Variants in EXO1 observed in about 807,000 individuals in gnomAD.
EXO1 encodes exonuclease 1.
EXO1 carries 69 observed loss-of-function variants against 84.5 expected under a neutral mutation model. The ratio of observed to expected loss-of-function variants is 0.82; its 90% CI spans 0.67 to 1.00. The LOEUF (loss-of-function observed/expected upper bound fraction) is 1.00, where lower values mean the gene tolerates loss of function less well. EXO1 is among the 50% of genes least tolerant of loss of function. EXO1 has a pLI of 0.00. For missense variants in EXO1, 1,045 were observed against 1,000.7 expected, an observed-to-expected ratio of 1.04 and a Z score of -0.60; for synonymous variants, 373 against 366.1, an observed-to-expected ratio of 1.02 and a Z score of -0.21.
At chr1:241,855,794 C>G (rs1030845737) in intron 6 of EXO1, among the ~76,000 whole-genome samples, 9 of 152,262 alleles carry the variant, frequency 5.9e-5, no homozygotes, top group Admixed American at 2.6e-4. Context: ...CTGGGGGACC[C>G]AGTACATCCT....
At chr1:241,852,468 G>A (rs1660728587) in intron 5 of EXO1, 57 bp downstream of exon 5, 8 of 1,503,450 alleles carry the variant, frequency 5.3e-6, no homozygotes, top group African/African-American at 4.1e-5. Context: ...AGACACTGTA[G>A]TCTATATGAT....
At position 241,861,638 on chromosome 1, in the gene EXO1, C is replaced by T. The variant is rs1661396744; in HGVS notation, c.1041+136C>T. 1.0e-5 allele frequency: 7 copies of T among 684,766 alleles called. No individual in the cohort carries two copies. In the Admixed American group the frequency reaches 1.2e-4, roughly 11 times the overall value. The allele number at this position is 684,766 out of a possible 1,614,324, so 42.4% of individuals were successfully genotyped here. Reference sequence around the variant, plus strand: ...CTCTGTGCAGAATGTACATTAAAAACAACTTGATCCTAGAGAAATTACATG... The same window carrying T: ...CTCTGTGCAGAATGTACATTAAAAATAACTTGATCCTAGAGAAATTACATG... On this transcript the variant is annotated intron_variant, in intron 10 of 15. Coordinates refer to ENST00000366548, the MANE Select transcript of EXO1 (RefSeq NM_130398.4).
intron 12 of EXO1, among the ~76,000 whole-genome samples, chr1:241,877,526 G>T (rs559113696): frequency 6.6e-6 from 1 of 152,160 alleles, no homozygotes; most frequent in East Asian, 1.9e-4. Context: ...TTGGTGAAAG[G>T]ATAGAAAGGA....
At chr1:241,885,232 A>G (rs184219215) in intron 14 of EXO1, 82 bp from the exon 15 acceptor site, 5 of 779,960 alleles carry the variant, frequency 6.4e-6, no homozygotes, top group African/African-American at 1.8e-5. Flanking sequence ...AAATAAATAA[A>G]TAAGTAAAGA....
At chr1:241,882,209 TGAAA>T (rs1662809025) in intron 14 of EXO1, among the ~76,000 whole-genome samples, 192 bp downstream of exon 14, 1 of 152,188 alleles carries the variant, frequency 6.6e-6, no homozygotes, top group Non-Finnish European at 1.5e-5. Context: ...GCAGTGTATA[TGAAA>T]GATCACTTTC....
chr1:241,884,704 T>C (rs1635491), intron 14 of EXO1, among the ~76,000 whole-genome samples: 143,948 of 152,134 alleles, frequency 0.95, 68,274 homozygotes, highest in Non-Finnish European at 0.98. Context: ...AGTGGATGCA[T>C]AGGAAGCTGG....
At chr1:241,873,593 T>C (rs979227349) in intron 12 of EXO1, among the ~76,000 whole-genome samples, 1 of 152,178 alleles carries the variant, frequency 6.6e-6, no homozygotes, top group African/African-American at 2.4e-5. Context: ...GGAGCTGTAA[T>C]ATTAATTGAG....
chr1:241,862,002 G>A (rs141446928), intron 10 of EXO1, among the ~76,000 whole-genome samples: 5 of 152,142 alleles, frequency 3.3e-5, no homozygotes, highest in African/African-American at 7.2e-5. Flanking sequence ...GCAATGGTGC[G>A]ATCTCAGCTC....
Position 241,860,705 on chromosome 1 carries a change from G to A in EXO1, c.944+1G>A. 5 of 1,610,256 alleles carry A rather than the reference G, an allele frequency of 3.1e-6. No individual in the cohort carries two copies. The highest frequency in any genetic ancestry group is 4.2e-6 in the Non-Finnish European group (5 of 1,176,542). The stretch of plus-strand genomic sequence containing the variant: ...CTGAAACACTAAGCTACGCTGGGCA[G>A]TATCCTTTCTGAAACAGAATGGTAG... On this transcript the variant is annotated splice_donor_variant, in intron 9 of 15. Transcript: ENST00000366548. LOFTEE classifies it high-confidence loss of function.
chr1:241,871,802 G>T (rs1330145551), intron 11 of EXO1, among the ~76,000 whole-genome samples: 1 of 151,798 alleles, frequency 6.6e-6, no homozygotes, highest in Non-Finnish European at 1.5e-5. Flanking sequence ...ACATGAAATT[G>T]TATAAACAAC....
intron 11 of EXO1, among the ~76,000 whole-genome samples, chr1:241,871,699 A>AT (rs1023491281): frequency 2.1e-3 from 317 of 152,184 alleles, no homozygotes; most frequent in African/African-American, 7.4e-3. Flanking sequence ...TTTCCTGGAG[A>AT]TTTTTTTATA....
chr1:241,850,996 G>A (rs565198873), intron 4 of EXO1, among the ~76,000 whole-genome samples: 4 of 151,836 alleles, frequency 2.6e-5, no homozygotes, highest in Middle Eastern at 3.4e-3. Flanking sequence ...CACCATACCC[G>A]GCTAATTTTT....
Position 241,852,433 on chromosome 1 carries a change from T to C in EXO1, c.281+22T>C, listed in dbSNP as rs200129097. Reference sequence around the variant, plus strand: ...GAGAGTAAGTTAATTCTCTACTTAATCTCTAACTTCATTGCACTAAGGTCA... The same window carrying C: ...GAGAGTAAGTTAATTCTCTACTTAACCTCTAACTTCATTGCACTAAGGTCA... On this transcript the variant is annotated intron_variant, in intron 5 of 15. Transcript: ENST00000366548. 1.8e-5 allele frequency: 29 copies of C among 1,590,818 alleles called. No homozygotes were observed. In the East Asian group the frequency reaches 6.5e-4, roughly 36 times the overall value.
intron 12 of EXO1, among the ~76,000 whole-genome samples, chr1:241,877,550 G>A (rs1231129044): frequency 2.6e-5 from 4 of 152,016 alleles, no homozygotes; most frequent in Non-Finnish European, 5.9e-5. Context: ...TTACTCTCTA[G>A]CATTTAGTAA....
intron 11 of EXO1, among the ~76,000 whole-genome samples, chr1:241,868,828 A>T (rs1009630114): frequency 6.6e-6 from 1 of 152,178 alleles, no homozygotes; most frequent in African/African-American, 2.4e-5. Context: ...TTGTCAAATT[A>T]TCTTTATATT....
At chr1:241,886,473 CTAGTAGAAATATTG>C (rs1663077939) in intron 15 of EXO1, among the ~76,000 whole-genome samples, 1 of 151,920 alleles carries the variant, frequency 6.6e-6, no homozygotes. Context: ...TAAACCTTAC[CTAGTAGAAATATTG>C]TCATAGATGA....
Position 241,858,541 on chromosome 1 carries a change from T to C in EXO1, c.579T>C (p.Leu193=), listed in dbSNP as rs1405028392. The C allele has an allele frequency of 6.2e-6, 10 of 1,614,040 alleles. No homozygotes were observed. The African/African-American group carries it at 1.2e-4, about 19-fold the overall frequency. ...ILKMDQFGNG[L]EIDQARLGMC... ...AGATGGACCAGTTTGGAAATGGACT[T>C]GAAATTGATCAAGCTCGGCTAGGAA... Residue 193 remains leucine (L), a synonymous_variant, in exon 8 of 16, where the codon CTT becomes CTC. Coordinates refer to ENST00000366548, the MANE Select transcript of EXO1 (RefSeq NM_130398.4).
intron 15 of EXO1, among the ~76,000 whole-genome samples, chr1:241,888,485 A>G (rs1663189059): frequency 6.6e-6 from 1 of 152,210 alleles, no homozygotes; most frequent in African/African-American, 2.4e-5. Context: ...GGGTCAGCAC[A>G]GTGGAAAGGA....
chr1:241,858,663 G>T lies in EXO1; in HGVS notation c.701G>T (p.Gly234Val). 6.2e-7 allele frequency: 1 copy of T among 1,614,096 alleles called. No individual in the cohort carries two copies. The highest frequency in any genetic ancestry group is 2.2e-5 in the East Asian group (1 of 44,866). ...TACCTGTCATCACTGCGTGGGATTG[G>T]ATTAGCAAAGGCATGCAAAGTCCTA... ...CDYLSSLRGI[G>V]LAKACKVLRL... The change falls in exon 8 of 16, where the codon GGA (glycine) becomes GTA (valine). Residue 234 changes from glycine (G) to valine (V), a missense_variant. Gly to Val is a moderately radical substitution (Grantham distance 109). Transcript: ENST00000366548.
Sources: gnomAD v4.1 joint callset for allele counts (sites outside exome capture counted in the v4.1 genomes callset) on GRCh38, gnomAD v4.1.1 for gene constraint, MANE v1.5 for transcripts, NCBI Gene and HGNC (gene_info 2026-07-23, HGNC 2026-07-21) for gene names.